DOK6: variants seen among roughly 807,000 people sequenced by gnomAD.
DOK6 encodes downstream of tyrosine kinase 6.
In DOK6, 22 loss-of-function variants were observed where a neutral mutation model predicts 44.0. The ratio of observed to expected loss-of-function variants is 0.50; its 90% confidence interval spans 0.36 to 0.71. DOK6 has a LOEUF of 0.71. Ranked by LOEUF, DOK6 falls within the 30% of genes least tolerant of loss-of-function variation. DOK6 has a pLI of 0.00. For synonymous variants in DOK6, 166 were observed against 145.5 expected, an observed-to-expected ratio of 1.14 and a Z score of -1.01; for missense variants, 340 against 416.4, an observed-to-expected ratio of 0.82 and a Z score of 1.60.
chr18:69,691,576 G>A (rs1158360734), intron 4 of DOK6, among the ~76,000 whole-genome samples: 11 of 152,138 alleles, frequency 7.2e-5, no homozygotes, highest in Non-Finnish European at 1.6e-4. Context: ...GGAAGTAGTG[G>A]TTTCAGTTTT....
chr18:69,648,185 T>C (rs1296319777), intron 3 of DOK6, among the ~76,000 whole-genome samples: 2 of 152,220 alleles, frequency 1.3e-5, no homozygotes, highest in African/African-American at 4.8e-5. Flanking sequence ...ATTAATATTT[T>C]AGCTCCCTAT....
chr18:69,835,325 T>C (rs1176079357), intron 7 of DOK6, among the ~76,000 whole-genome samples: 9 of 151,616 alleles, frequency 5.9e-5, no homozygotes, highest in Admixed American at 2.6e-4. Flanking sequence ...ATTAGTTGGG[T>C]ATGGTGGTGG....
chr18:69,443,497 G>A (rs746622810), intron 1 of DOK6, among the ~76,000 whole-genome samples: 1 of 152,130 alleles, frequency 6.6e-6, no homozygotes, highest in African/African-American at 2.4e-5. Flanking sequence ...TAACTTACAT[G>A]GGAAAACCTG....
chr18:69,581,590 T>C (rs1320657526), intron 2 of DOK6, among the ~76,000 whole-genome samples: 3 of 152,172 alleles, frequency 2.0e-5, no homozygotes, highest in Non-Finnish European at 2.9e-5. Flanking sequence ...GGCATCATAT[T>C]TGAAGTGAAA....
At chr18:69,417,438 T>G (rs1234874777) in intron 1 of DOK6, among the ~76,000 whole-genome samples, 1 of 152,176 alleles carries the variant, frequency 6.6e-6, no homozygotes, top group African/African-American at 2.4e-5. Context: ...TGTGTATATA[T>G]ACCACATTTT....
At chr18:69,594,129 T>C (rs2144618606) in intron 2 of DOK6, among the ~76,000 whole-genome samples, 1 of 152,168 alleles carries the variant, frequency 6.6e-6, no homozygotes, top group South Asian at 2.1e-4. Flanking sequence ...CTAAAAAACT[T>C]CATATTTCTC....
At chr18:69,492,830 T>TTTTTTTTTTTTTTTTTTTGTG in intron 1 of DOK6, among the ~76,000 whole-genome samples, 1 of 149,144 alleles carries the variant, frequency 6.7e-6, no homozygotes. Context: ...TGGGCTTTTT[T>TTTTTTTTTTTTTTTTTTTGTG]ATAGCTTTGG....
At chr18:69,734,417 GGA>G (rs1978532062) in intron 5 of DOK6, among the ~76,000 whole-genome samples, 1 of 45,182 alleles carries the variant, frequency 2.2e-5, no homozygotes, top group African/African-American at 5.6e-5. Context: ...AAAAAAAAAA[GGA>G]AAATTCTAGC....
Position 69,492,741 on chromosome 18 carries a change from G to A in DOK6, c.67-71746G>A, listed in dbSNP as rs1236967728. On this transcript the variant is annotated intron_variant, in intron 1 of 7. Transcript: ENST00000382713. ...GCATTCATGTTGCTGCAAAGGACAT[G>A]GTTTCATTCTTTTTCTATGGCTGCA... Among the ~76,000 whole-genome samples, 6 of 150,706 alleles carry A rather than the reference G, an allele frequency of 4.0e-5. No individual in the cohort carries two copies. In the South Asian group the frequency reaches 1.0e-3, roughly 26 times the overall value.
chr18:69,792,630 C>T (rs1411383528), intron 7 of DOK6, among the ~76,000 whole-genome samples: 1 of 152,014 alleles, frequency 6.6e-6, no homozygotes, highest in Non-Finnish European at 1.5e-5. Flanking sequence ...CATCTGCAAA[C>T]AAGGATAATT....
At chr18:69,454,715 A>G (rs1339850560) in intron 1 of DOK6, among the ~76,000 whole-genome samples, 1 of 132,024 alleles carries the variant, frequency 7.6e-6, no homozygotes, top group Non-Finnish European at 1.7e-5. Flanking sequence ...TACACCATGG[A>G]ATACTATGCA....
intron 3 of DOK6, among the ~76,000 whole-genome samples, chr18:69,607,401 A>T (rs888433923): frequency 6.6e-6 from 1 of 152,220 alleles, no homozygotes; most frequent in Non-Finnish European, 1.5e-5. Context: ...GCAATATACC[A>T]TAGCAGGAAA....
intron 1 of DOK6, among the ~76,000 whole-genome samples, chr18:69,422,068 G>A (rs763188165): frequency 9.9e-5 from 15 of 152,142 alleles, no homozygotes; most frequent in Non-Finnish European, 1.8e-4. Context: ...GTACCCTAAC[G>A]GTTTCCAGCC....
At chr18:69,753,960 AAT>A (rs1402235542) in intron 6 of DOK6, among the ~76,000 whole-genome samples, 2 of 152,052 alleles carry the variant, frequency 1.3e-5, no homozygotes, top group East Asian at 3.8e-4. Context: ...CTCATAACAT[AAT>A]TTTTTATATA....
chr18:69,701,914 GAGAA>G (rs1445872964), intron 5 of DOK6, among the ~76,000 whole-genome samples: 3 of 152,124 alleles, frequency 2.0e-5, no homozygotes, highest in Admixed American at 2.0e-4. Context: ...GGGATGCAAA[GAGAA>G]AGAATCTTTT....
At chr18:69,821,799 T>TAAA (rs1555673048) in intron 7 of DOK6, among the ~76,000 whole-genome samples, 20,302 of 149,146 alleles carry the variant, frequency 0.14, 1,489 homozygotes, top group African/African-American at 0.15. Context: ...TTTTTTTTTT[T>TAAA]AAAAAAAATC....
intron 3 of DOK6, among the ~76,000 whole-genome samples, chr18:69,668,813 C>A (rs7242487): frequency 0.78 from 118,693 of 152,084 alleles, 46,608 homozygotes; most frequent in East Asian, 0.97. Flanking sequence ...TACAAAATTA[C>A]ATATTTGAAC....
chr18:69,650,208 G>A lies in DOK6; in HGVS notation c.290-27526G>A, dbSNP rs957052139. ...GAAATTATCATCTTTAAAAAAAAAC[G>A]TGGTTGGTTGATTTTATGTATTTGT... is the stretch of plus-strand genomic sequence containing the variant. On this transcript the variant is annotated intron_variant, in intron 3 of 7. Transcript: ENST00000382713. Among the ~76,000 whole-genome samples, 8 of 152,080 alleles carry A rather than the reference G, an allele frequency of 5.3e-5. No homozygotes were observed. In the South Asian group the frequency reaches 6.2e-4, roughly 12 times the overall value.
At chr18:69,420,097 C>T (rs1438338585) in intron 1 of DOK6, among the ~76,000 whole-genome samples, 1 of 151,762 alleles carries the variant, frequency 6.6e-6, no homozygotes, top group Non-Finnish European at 1.5e-5. Context: ...TGTGAACATA[C>T]TAAAATTTAG....
Sources: allele counts gnomAD v4.1 joint callset (sites outside exome capture counted in the v4.1 genomes callset), GRCh38; gene constraint gnomAD v4.1.1; transcripts MANE v1.5; gene names NCBI Gene and HGNC (gene_info 2026-07-23, HGNC 2026-07-21).